The following TTLL8 variants were observed in gnomAD, a reference collection of about 807,000 sequenced individuals.
TTLL8 encodes tubulin tyrosine ligase like 8.
TTLL8 carries 65 observed loss-of-function variants against 77.8 expected under a neutral mutation model. The observed-to-expected ratio is 0.84, with a 90% CI of 0.68 to 1.03. TTLL8 has a LOEUF of 1.03. TTLL8 is among the 50% of genes least tolerant of loss of function. The pLI is 0.00. For synonymous variants in TTLL8, 402 were observed against 422.8 expected (o/e 0.95, Z 0.60); for missense variants, 910 against 1,004.5 (o/e 0.91, Z 1.27).
chr22:50,031,941 C>T (rs1255786204), exon 11 of TTLL8: 1 of 1,366,848 alleles, frequency 7.3e-7, no homozygotes, highest in East Asian at 4.5e-5. Flanking sequence ...CGATGGCCTT[C>T]TTCATGGACG....
chr22:50,051,313 C>G (rs145706070), intron 1 of TTLL8, among the ~76,000 whole-genome samples: 2 of 152,244 alleles, frequency 1.3e-5, no homozygotes, highest in African/African-American at 4.8e-5. Context: ...TGAGTTACTT[C>G]GCTTGGAAGA....
intron 12 of TTLL8, among the ~76,000 whole-genome samples, chr22:50,027,369 A>G (rs976550698): frequency 3.3e-5 from 5 of 150,276 alleles, no homozygotes; most frequent in African/African-American, 9.8e-5. Context: ...CTCTGTCTCT[A>G]CTAAAATACA....
rs2061394456 is a variant in TTLL8 at position 50,044,274 on chromosome 22, T to C, written c.643+981A>G. ...CGGAGGTTGCAGTGAGCCAAGATCA[T>C]GCCATTGTACTTCAACCTGGGTGAC... is the stretch of plus-strand genomic sequence containing the variant. On this transcript the variant is annotated intron_variant, in intron 6 of 13. Coordinates refer to ENST00000266182, the Ensembl canonical transcript of TTLL8. This position sits in a 1 kb window ranked among gnomAD's most constrained non-coding sequence, Gnocchi z 4.2. Among the ~76,000 whole-genome samples, 1 of 151,238 alleles carries C rather than the reference T, an allele frequency of 6.6e-6. No homozygotes were observed. The highest frequency in any genetic ancestry group is 2.4e-5 in the African/African-American group (1 of 41,016).
At chr22:50,058,233 G>A (rs1348449621), upstream of TTLL8, among the ~76,000 whole-genome samples, 1 of 151,338 alleles carries the variant, frequency 6.6e-6, no homozygotes, top group Non-Finnish European at 1.5e-5. The surrounding 1 kb of genome is among the most constrained non-coding windows in gnomAD (Gnocchi z 4.2). Flanking sequence ...GCGGCCACGC[G>A]CATTGTGCAC....
At chr22:50,030,370 G>T in intron 12 of TTLL8, 60 bp downstream of exon 13, 2 of 1,240,490 alleles carry the variant, frequency 1.6e-6, no homozygotes, top group Non-Finnish European at 2.1e-6. Context: ...TGCTGGCGAG[G>T]GTTGGGGATG....
chr22:50,056,928 G>A (rs910245705), upstream of TTLL8: 7 of 1,289,596 alleles, frequency 5.4e-6, no homozygotes, highest in African/African-American at 1.1e-4. This position sits in a 1 kb window ranked among gnomAD's most constrained non-coding sequence, Gnocchi z 4.1. Context: ...CTTCCTCTCT[G>A]GTTCCATACT....
At chr22:50,045,411 G>A (rs1321229449) in intron 5 of TTLL8, 22 bp from the exon 8 acceptor site, 7 of 1,362,748 alleles carry the variant, frequency 5.1e-6, no homozygotes, top group African/African-American at 3.0e-5. Flanking sequence ...GCACAGCCTC[G>A]CCCTATCTGT....
chr22:50,021,971 C>G (rs113659771), intron 12 of TTLL8, among the ~76,000 whole-genome samples: 60 of 102,844 alleles, frequency 5.8e-4, no homozygotes, highest in Non-Finnish European at 1.4e-4. Context: ...CTCCATCTGA[C>G]GACGTGCACT....
rs185942201 is a variant in TTLL8 at position 50,023,254 on chromosome 22, T to C, written c.2204-6692A>G. On this transcript the variant is annotated intron_variant, in intron 12 of 13. Coordinates refer to ENST00000266182, the Ensembl canonical transcript of TTLL8. ...ATGCAATAATATTGCTTGGAGAAAC[T>C]GAAAAAAACCTAAATAAACGTTGAG... Among the ~76,000 whole-genome samples the C allele has an allele frequency of 1.2e-3, 178 of 152,284 alleles. 1 individual carries two copies. The highest frequency in any genetic ancestry group is 3.9e-3 in the African/African-American group (163 of 41,548).
chr22:50,047,209 T>A, exon 4 of TTLL8: 1 of 1,367,608 alleles, frequency 7.3e-7, no homozygotes, highest in South Asian at 1.1e-5. Context: ...TGGTTCAGCA[T>A]CTGGTCGTAG....
At chr22:50,033,553 C>T in intron 9 of TTLL8, 108 bp from the exon 11 acceptor site, 1 of 1,038,320 alleles carries the variant, frequency 9.6e-7, no homozygotes, top group Non-Finnish European at 1.3e-6. Flanking sequence ...CCTGCACTGG[C>T]TTTGTCCAAG....
intron 1 of TTLL8, among the ~76,000 whole-genome samples, chr22:50,051,787 G>A (rs956337307): frequency 2.6e-5 from 4 of 152,210 alleles, no homozygotes; most frequent in African/African-American, 4.8e-5. Context: ...CTGAGAATTA[G>A]TGATGCTGAG....
chr22:50,020,723 T>C (rs1215126718), intron 12 of TTLL8, among the ~76,000 whole-genome samples: 2 of 140,800 alleles, frequency 1.4e-5, no homozygotes, highest in Non-Finnish European at 3.0e-5. Flanking sequence ...CATCTGACGA[T>C]GTGCACTCCA....
At chr22:50,033,320 T>G (rs770675255) in exon 10 of TTLL8, 36 of 1,365,230 alleles carry the variant, frequency 2.6e-5, no homozygotes, top group Non-Finnish European at 2.8e-5. Flanking sequence ...ATGTCGAACT[T>G]GGTGTCACAG....
chr22:50,037,687 AAC>A (rs575305844), intron 8 of TTLL8, among the ~76,000 whole-genome samples: 1 of 152,212 alleles, frequency 6.6e-6, no homozygotes, highest in Non-Finnish European at 1.5e-5. Context: ...GAATGCAGTG[AAC>A]ACAGATAGGA....
Position 50,041,927 on chromosome 22 carries a change from A to C in TTLL8, c.644-120T>G. The C allele has an allele frequency of 4.5e-6, 4 of 886,610 alleles. No homozygotes were observed. Among genetic ancestry groups the C allele is most frequent in the Non-Finnish European group, 6.0e-6 (4 of 662,350 alleles). 54.9% of individuals were successfully genotyped at this position (886,610 alleles called of 1,614,324 possible). On this transcript the variant is annotated intron_variant, in intron 6 of 13. Transcript: ENST00000266182. The surrounding 1 kb of genome is among the most constrained non-coding windows in gnomAD (Gnocchi z 4.3). ...TGCTCCACTCCCTCTGTGCCCCAAT[A>C]CCCAACAAGTATCCCAGATCCCCAG...
chr22:50,022,139 A>ATGCACTCCTCCATCTGATGACG (rs2061206422), intron 12 of TTLL8, among the ~76,000 whole-genome samples: 1 of 127,400 alleles, frequency 7.8e-6, no homozygotes, highest in Non-Finnish European at 1.7e-5. Context: ...TCCATCTGAC[A>ATGCACTCCTCCATCTGATGACG]TGCACTCCTC....
chr22:50,036,572 C>G (rs1285647856), intron 8 of TTLL8, among the ~76,000 whole-genome samples: 1 of 151,634 alleles, frequency 6.6e-6, no homozygotes, highest in African/African-American at 2.4e-5. Flanking sequence ...AATTGGTGCT[C>G]CTTTGTGTGT....
At chr22:50,045,916 C>A (rs201254840) in exon 5 of TTLL8, 11 of 1,361,760 alleles carry the variant, frequency 8.1e-6, no homozygotes, top group South Asian at 6.9e-5. Flanking sequence ...AAGAAGGAGT[C>A]GGGGTTGGCC....
Sources: allele counts gnomAD v4.1 joint callset (sites outside exome capture counted in the v4.1 genomes callset), GRCh38; gene constraint gnomAD v4.1.1; non-coding constraint Gnocchi (gnomAD v3.1); transcripts MANE v1.5; gene names NCBI Gene and HGNC (gene_info 2026-07-23, HGNC 2026-07-21).